CDC73: variants seen among roughly 807,000 people sequenced by gnomAD.
CDC73 encodes the protein parafibromin.
Under a neutral mutation model 83.7 loss-of-function variants are expected in CDC73, and 21 were observed. The ratio of observed to expected loss-of-function variants is 0.25; its 90% CI spans 0.18 to 0.36. The LOEUF (loss-of-function observed/expected upper bound fraction) is 0.36. CDC73 is among the 10% of genes least tolerant of loss of function. CDC73 has a pLI of 1.00. For missense variants in CDC73, 342 were observed against 653.3 expected (o/e 0.52, Z 5.19); for synonymous variants, 224 against 212.9 (o/e 1.05, Z -0.45).
chr1:193,157,061 G>A (rs1676219593), intron 10 of CDC73, among the ~76,000 whole-genome samples: 1 of 152,120 alleles, frequency 6.6e-6, no homozygotes, highest in Non-Finnish European at 1.5e-5. Flanking sequence ...TCATTTAGGA[G>A]GTAATTCTTG....
At chr1:193,123,420 T>G (rs1675502489) in intron 1 of CDC73, among the ~76,000 whole-genome samples, 1 of 152,148 alleles carries the variant, frequency 6.6e-6, no homozygotes. Flanking sequence ...AGAGATGTGG[T>G]TTCACCGTGT....
At chr1:193,193,128 T>A (rs1236858539) in intron 10 of CDC73, among the ~76,000 whole-genome samples, 1 of 152,196 alleles carries the variant, frequency 6.6e-6, no homozygotes, top group African/African-American at 2.4e-5. Flanking sequence ...ATGCCAAGTT[T>A]ATAGGATTAC....
rs779144943 is a variant in CDC73, at chr1:193,138,111, A to G, written c.450A>G (p.Lys150=). ...IEDEECVRLD[K]ERLAARLEGH... is the part of the protein sequence containing the mutation. ...ATGAAGAGTGTGTGCGCCTTGATAA[A>G]GAGAGATTGGCTGCCCGTTTGGAGG... Residue 150 remains lysine, a synonymous_variant, in exon 6 of 17, where the codon AAA becomes AAG. Coordinates refer to ENST00000367435, the MANE Select transcript of CDC73 (RefSeq NM_024529.5). 3.1e-6 allele frequency: 5 copies of G among 1,613,688 alleles called. No homozygotes were observed. The Admixed American group carries it at 8.3e-5, about 27-fold the overall frequency.
chr1:193,245,226 G>A (rs988701401), intron 15 of CDC73, among the ~76,000 whole-genome samples: 1 of 152,030 alleles, frequency 6.6e-6, no homozygotes, highest in African/African-American at 2.4e-5. Flanking sequence ...TGGAACACTC[G>A]AACTTATTTC....
intron 13 of CDC73, among the ~76,000 whole-genome samples, chr1:193,219,433 C>T (rs894650017): frequency 6.6e-6 from 1 of 152,166 alleles, no homozygotes; most frequent in East Asian, 1.9e-4. Flanking sequence ...CAAAAAGACA[C>T]ATGCACTCTT....
At chr1:193,217,117 G>T (rs1339965533) in intron 13 of CDC73, among the ~76,000 whole-genome samples, 2 of 152,144 alleles carry the variant, frequency 1.3e-5, no homozygotes, top group East Asian at 1.9e-4. Flanking sequence ...GGCTTGCGGT[G>T]GGGGTGTGGC....
chr1:193,168,301 C>T (rs1676465863), intron 10 of CDC73, among the ~76,000 whole-genome samples: 1 of 152,098 alleles, frequency 6.6e-6, no homozygotes, highest in Non-Finnish European at 1.5e-5. Flanking sequence ...TTGCATTCAT[C>T]CAGGAAATGT....
chr1:193,246,719 T>G (rs1359442444), intron 15 of CDC73, among the ~76,000 whole-genome samples: 9 of 152,108 alleles, frequency 5.9e-5, no homozygotes, highest in African/African-American at 2.2e-4. Context: ...AAAAATCTCT[T>G]TATCCTCTAG....
At chr1:193,129,487 A>AATTTATTTATTTATTTATTTATTTATTT (rs67384798) in intron 2 of CDC73, among the ~76,000 whole-genome samples, 14 of 142,788 alleles carry the variant, frequency 9.8e-5, no homozygotes, top group Admixed American at 2.1e-4. Context: ...TTCAAAAAGA[A>AATTTATTTATTTATTTATTTATTTATTT]ATTTATTTAT....
intron 10 of CDC73, among the ~76,000 whole-genome samples, chr1:193,162,475 C>G (rs1336911289): frequency 6.6e-6 from 1 of 150,466 alleles, no homozygotes; most frequent in Non-Finnish European, 1.5e-5. Context: ...CAGGTTCAAG[C>G]AATCCTCCTG....
intron 1 of CDC73, among the ~76,000 whole-genome samples, chr1:193,122,771 C>G (rs750982794): frequency 6.6e-6 from 1 of 151,972 alleles, no homozygotes; most frequent in Non-Finnish European, 1.5e-5. Context: ...TTTGCAACTC[C>G]TGGTTTATTT....
At chr1:193,167,852 T>A (rs1466438614) in intron 10 of CDC73, among the ~76,000 whole-genome samples, 1 of 151,990 alleles carries the variant, frequency 6.6e-6, no homozygotes, top group African/African-American at 2.4e-5. Flanking sequence ...GCATACTACT[T>A]TTCTTGTGTT....
At chr1:193,160,560 A>C (rs959495886) in intron 10 of CDC73, among the ~76,000 whole-genome samples, 4 of 152,064 alleles carry the variant, frequency 2.6e-5, no homozygotes, top group African/African-American at 9.7e-5. Flanking sequence ...AGAGCTTTTT[A>C]TTCCACTTTC....
intron 10 of CDC73, among the ~76,000 whole-genome samples, chr1:193,195,158 T>G (rs1479648239): frequency 6.6e-6 from 1 of 152,124 alleles, no homozygotes; most frequent in African/African-American, 2.4e-5. Flanking sequence ...ATCATTGAAT[T>G]TGATGAAGCC....
At chr1:193,217,738 T>C (rs1393654959) in intron 13 of CDC73, among the ~76,000 whole-genome samples, 1 of 152,118 alleles carries the variant, frequency 6.6e-6, no homozygotes, top group East Asian at 1.9e-4. Context: ...ATGGAACATT[T>C]GGGCTTGAAA....
At chr1:193,163,762 A>G (rs1364002369) in intron 10 of CDC73, among the ~76,000 whole-genome samples, 1 of 152,086 alleles carries the variant, frequency 6.6e-6, no homozygotes, top group Non-Finnish European at 1.5e-5. Context: ...ATCAGTGTAA[A>G]AAGGCTATAG....
intron 10 of CDC73, chr1:193,181,494 G>A (rs973164190): frequency 6.2e-7 from 1 of 1,612,600 alleles, no homozygotes; most frequent in Admixed American, 1.7e-5. Context: ...GATGAGTGCG[G>A]AACAGAGACC....
chr1:193,126,452 C>T (rs1363075170), intron 2 of CDC73, among the ~76,000 whole-genome samples: 1 of 152,024 alleles, frequency 6.6e-6, no homozygotes, highest in Non-Finnish European at 1.5e-5. Context: ...TAAATTATAG[C>T]AGTATATTAT....
At chr1:193,211,543 T>G (rs899354438) in intron 11 of CDC73, among the ~76,000 whole-genome samples, 3 of 152,210 alleles carry the variant, frequency 2.0e-5, no homozygotes, top group African/African-American at 7.2e-5. Context: ...ATTGTCAGCC[T>G]TATCACTCTT....
Sources: allele counts gnomAD v4.1 joint callset (sites outside exome capture counted in the v4.1 genomes callset), GRCh38; gene constraint gnomAD v4.1.1; transcripts MANE v1.5; gene names NCBI Gene and HGNC (gene_info 2026-07-23, HGNC 2026-07-21).